Variants in AP4E1 observed in about 807,000 individuals in gnomAD.
The protein encoded by AP4E1 is adaptor related protein complex 4 subunit epsilon 1.
A neutral mutation model predicts 128.2 loss-of-function variants in AP4E1; 56 were observed. The ratio of observed to expected loss-of-function variants is 0.44; its 90% CI spans 0.35 to 0.55. AP4E1 has a LOEUF of 0.55. Ranked by LOEUF, AP4E1 falls within the 20% of genes least tolerant of loss-of-function variation. AP4E1 has a pLI of 0.00. For synonymous variants in AP4E1, 484 were observed against 473.1 expected (o/e 1.02, Z -0.30); for missense variants, 1,324 against 1,307.7 (o/e 1.01, Z -0.19).
intron 8 of AP4E1, among the ~76,000 whole-genome samples, chr15:50,939,928 A>C (rs2063960209): frequency 1.3e-5 from 2 of 152,268 alleles, no homozygotes; most frequent in Middle Eastern, 3.4e-3. Context: ...CAGGTCATGG[A>C]GGTTTCTGTC....
intron 17 of AP4E1, among the ~76,000 whole-genome samples, chr15:50,996,855 T>C (rs2064881460): frequency 6.6e-6 from 1 of 152,232 alleles, no homozygotes; most frequent in Admixed American, 6.5e-5. Context: ...AAACCAGTTT[T>C]TCTTTCTGCT....
chr15:50,958,199 C>T (rs942775540), intron 13 of AP4E1, among the ~76,000 whole-genome samples: 12 of 152,078 alleles, frequency 7.9e-5, no homozygotes, highest in African/African-American at 2.9e-4. Flanking sequence ...AAAATAATAA[C>T]AGGATGTGAT....
At position 50,997,580 on chromosome 15, in the gene AP4E1, C is replaced by A. The variant is rs1200263493; in HGVS notation, c.2601C>A (p.Phe867Leu). Residue 867 changes from phenylalanine (F) to leucine (L), a missense_variant, in exon 18 of 21, where the codon TTC (phenylalanine) becomes TTA (leucine). By Grantham distance (22) the Phe-to-Leu change is conservative. Transcript: ENST00000261842. The part of the protein sequence containing the change: ...SLTELPLVEK[F>L]SYCSLSTPSL... Reference sequence around the variant, plus strand: ...CAGAACTGCCCTTGGTTGAGAAATTCTCATATTGTAGTCTGTCTACACCTT... The same window carrying A: ...CAGAACTGCCCTTGGTTGAGAAATTATCATATTGTAGTCTGTCTACACCTT... The A allele has an allele frequency of 6.2e-7, 1 of 1,614,064 alleles. No homozygotes were observed. The highest frequency in any genetic ancestry group is 1.1e-5 in the South Asian group (1 of 91,074).
intron 16 of AP4E1, among the ~76,000 whole-genome samples, chr15:50,991,516 A>T (rs2064806409): frequency 6.6e-6 from 1 of 152,064 alleles, no homozygotes; most frequent in Non-Finnish European, 1.5e-5. Flanking sequence ...AAGTACAACC[A>T]ATTTTTGTCT....
At chr15:50,985,557 T>A (rs996216345) in intron 16 of AP4E1, among the ~76,000 whole-genome samples, 14 of 152,356 alleles carry the variant, frequency 9.2e-5, no homozygotes, top group Non-Finnish European at 1.3e-4. Flanking sequence ...GCACCATTTA[T>A]TAAATAGGGA....
intron 20 of AP4E1, 64 bp downstream of exon 20, chr15:51,001,247 A>G (rs1192253415): frequency 1.4e-6 from 2 of 1,452,262 alleles, no homozygotes; most frequent in Admixed American, 1.8e-5. Flanking sequence ...TGGAACACAA[A>G]TCAACTCTTA....
intron 13 of AP4E1, among the ~76,000 whole-genome samples, chr15:50,956,552 C>T (rs1235060709): frequency 1.3e-5 from 2 of 152,106 alleles, no homozygotes; most frequent in Admixed American, 1.3e-4. Context: ...CCTCAGGAAA[C>T]TTAAAATCAA....
At chr15:50,931,991 T>C (rs1016390438) in intron 7 of AP4E1, among the ~76,000 whole-genome samples, 2 of 151,958 alleles carry the variant, frequency 1.3e-5, no homozygotes, top group African/African-American at 2.4e-5. Context: ...ATTTTTTTTT[T>C]GTTTTTGAGA....
chr15:51,000,980 AT>A, intron 19 of AP4E1, 45 bp from the exon 20 acceptor site: 1 of 1,455,432 alleles, frequency 6.9e-7, no homozygotes. Flanking sequence ...GTTTAGAATC[AT>A]TTCACTGTTT....
At chr15:50,932,762 T>C (rs914239292) in intron 7 of AP4E1, among the ~76,000 whole-genome samples, 2 of 152,184 alleles carry the variant, frequency 1.3e-5, no homozygotes, top group African/African-American at 4.8e-5. Flanking sequence ...ACTGTTGGTA[T>C]TATAGTGTTA....
At chr15:50,993,327 G>A (rs376763584) in intron 16 of AP4E1, 43 bp from the exon 17 acceptor site, 32 of 1,605,444 alleles carry the variant, frequency 2.0e-5, no homozygotes, top group Non-Finnish European at 2.3e-5. Flanking sequence ...GTAACTATTA[G>A]CAGTTATTTA....
chr15:50,981,411 T>C (rs2064640852), intron 15 of AP4E1, among the ~76,000 whole-genome samples: 1 of 152,000 alleles, frequency 6.6e-6, no homozygotes, highest in African/African-American at 2.4e-5. Flanking sequence ...AATGGGAATA[T>C]CTACTTTATG....
chr15:50,933,105 A>G (rs1010106831), intron 7 of AP4E1, among the ~76,000 whole-genome samples: 6 of 152,162 alleles, frequency 3.9e-5, no homozygotes. Context: ...ATAAATTTGG[A>G]TAATACATAT....
At chr15:50,932,718 G>T (rs2063850887) in intron 7 of AP4E1, among the ~76,000 whole-genome samples, 1 of 152,172 alleles carries the variant, frequency 6.6e-6, no homozygotes, top group African/African-American at 2.4e-5. Flanking sequence ...CCATTTGCCT[G>T]TGAGCTCCTG....
At chr15:50,945,593 T>C (rs1257406529) in intron 10 of AP4E1, 3 of 748,820 alleles carry the variant, frequency 4.0e-6, no homozygotes, top group Non-Finnish European at 7.3e-6. Context: ...ATCTTTCCTA[T>C]AGACAAAAGT....
intron 1 of AP4E1, among the ~76,000 whole-genome samples, chr15:50,910,189 G>T (rs62020195): frequency 6.6e-6 from 1 of 152,178 alleles, no homozygotes; most frequent in Non-Finnish European, 1.5e-5. Flanking sequence ...ATTTCACCAT[G>T]TTGGGCAGGC....
intron 14 of AP4E1, among the ~76,000 whole-genome samples, chr15:50,966,946 G>C (rs1045679134): frequency 2.0e-5 from 3 of 152,140 alleles, no homozygotes; most frequent in Non-Finnish European, 2.9e-5. Flanking sequence ...GTATATACTT[G>C]CTAAATCAGG....
At chr15:50,916,776 T>TA (rs1338312541) in intron 3 of AP4E1, among the ~76,000 whole-genome samples, 11 of 152,198 alleles carry the variant, frequency 7.2e-5, no homozygotes, top group African/African-American at 2.4e-4. Flanking sequence ...CTTTCCATAT[T>TA]CCAAATCAAA....
At chr15:50,984,613 C>T (rs1376234423) in intron 16 of AP4E1, among the ~76,000 whole-genome samples, 5 of 151,976 alleles carry the variant, frequency 3.3e-5, no homozygotes, top group African/African-American at 7.3e-5. Flanking sequence ...CAGCTTCATC[C>T]GTGTCCCTAC....
Sources: gnomAD v4.1 joint callset for allele counts (sites outside exome capture counted in the v4.1 genomes callset) on GRCh38, gnomAD v4.1.1 for gene constraint, MANE v1.5 for transcripts, NCBI Gene and HGNC (gene_info 2026-07-23, HGNC 2026-07-21) for gene names.